Variants in BLTP1 observed in about 807,000 individuals in gnomAD.
BLTP1 encodes the protein bridge-like lipid transfer protein family member 1, also known as fragile site-associated protein.
At chr4:122,251,581 A>G in the BLTP1 span, 142 of 985,048 alleles carry the variant, frequency 1.4e-4, no homozygotes, top group Non-Finnish European at 1.7e-4. Context: ...TCACTGGACA[A>G]AAGAGCTGAG....
chr4:122,339,994 A>G, the BLTP1 span, among the ~76,000 whole-genome samples: 1 of 152,160 alleles, frequency 6.6e-6, no homozygotes, highest in African/African-American at 2.4e-5. Flanking sequence ...CTTCTGTCCT[A>G]AAAATGAAAT....
the BLTP1 span, chr4:122,310,971 T>C: frequency 2.5e-6 from 2 of 788,590 alleles, no homozygotes; most frequent in Non-Finnish European, 3.1e-6. Flanking sequence ...ACAATAGTTA[T>C]ACATGGCTTT....
the BLTP1 span, chr4:122,198,474 T>A: frequency 1.0e-6 from 1 of 975,040 alleles, no homozygotes. Flanking sequence ...TGCTTCTGCC[T>A]TTTCACAACT....
At chr4:122,272,632 C>T in the BLTP1 span, among the ~76,000 whole-genome samples, 7 of 151,842 alleles carry the variant, frequency 4.6e-5, no homozygotes, top group East Asian at 1.9e-4. Context: ...AATATTGAGT[C>T]GATGTACCTA....
At chr4:122,305,929 G>T in the BLTP1 span, 14 of 1,609,934 alleles carry the variant, frequency 8.7e-6, no homozygotes, top group Non-Finnish European at 1.1e-5. Context: ...TTTAAAACCA[G>T]AATTGGATTA....
the BLTP1 span, chr4:122,344,260 C>A: frequency 8.9e-7 from 1 of 1,122,206 alleles, no homozygotes; most frequent in Non-Finnish European, 1.2e-6. Context: ...TAAATTTTTA[C>A]CTCAAGTGAT....
At chr4:122,291,433 A>C in the BLTP1 span, among the ~76,000 whole-genome samples, 3 of 152,190 alleles carry the variant, frequency 2.0e-5, no homozygotes, top group African/African-American at 7.2e-5. Context: ...TCCCTCTCCC[A>C]TAATCTTCAG....
the BLTP1 span, chr4:122,267,580 T>A: frequency 2.1e-6 from 2 of 931,614 alleles, no homozygotes; most frequent in Non-Finnish European, 2.6e-6. Context: ...ATTTTTATGA[T>A]CTTAAGGGTT....
chr4:122,352,897 C>T, the BLTP1 span: 7 of 1,610,842 alleles, frequency 4.3e-6, no homozygotes, highest in Admixed American at 3.4e-5. Context: ...TTTTGGTTTT[C>T]TTGCAGTACT....
the BLTP1 span, chr4:122,298,152 CTTA>C: frequency 2.7e-6 from 2 of 729,608 alleles, no homozygotes; most frequent in African/African-American, 1.9e-5. Context: ...TGTTTTGATT[CTTA>C]TTACTTAGAT....
the BLTP1 span, chr4:122,171,783 C>T: frequency 2.0e-6 from 2 of 981,106 alleles, no homozygotes; most frequent in East Asian, 1.1e-4. Context: ...CTGTTATAAA[C>T]ACCTCCTTTC....
chr4:122,156,251 G>A, the BLTP1 span, among the ~76,000 whole-genome samples: 333 of 152,268 alleles, frequency 2.2e-3, 3 homozygotes, highest in Non-Finnish European at 3.9e-3. Flanking sequence ...ACAATTTAAA[G>A]ATGATAGTTA....
the BLTP1 span, among the ~76,000 whole-genome samples, chr4:122,296,432 G>A: frequency 6.6e-6 from 1 of 152,100 alleles, no homozygotes; most frequent in Non-Finnish European, 1.5e-5. Context: ...ACAAACAAAT[G>A]GAAAAACATT....
the BLTP1 span, among the ~76,000 whole-genome samples, chr4:122,327,111 G>GTTTTA: frequency 7.9e-5 from 12 of 151,402 alleles, 1 homozygote; most frequent in South Asian, 2.5e-3. Context: ...GTTTTGTTTT[G>GTTTTA]TTTTGTTTTG....
At chr4:122,226,287 A>C in the BLTP1 span, 2 of 548,382 alleles carry the variant, frequency 3.6e-6, no homozygotes, top group Non-Finnish European at 4.6e-6. Flanking sequence ...ACCTGGTTTT[A>C]AAAAAACTGT....
the BLTP1 span, chr4:122,324,631 A>C: frequency 2.1e-6 from 2 of 955,082 alleles, no homozygotes; most frequent in Non-Finnish European, 3.0e-6. Context: ...TAAAATTAAG[A>C]TAACAAAAAT....
chr4:122,171,276 A>G, the BLTP1 span, among the ~76,000 whole-genome samples: 1 of 152,150 alleles, frequency 6.6e-6, no homozygotes, highest in South Asian at 2.1e-4. Context: ...GGGAGAAAGG[A>G]AATATGAGTG....
the BLTP1 span, among the ~76,000 whole-genome samples, chr4:122,356,339 T>A: frequency 6.6e-6 from 1 of 152,158 alleles, no homozygotes; most frequent in South Asian, 2.1e-4. Context: ...ATTGGAGGAT[T>A]TCAGATTTTT....
At chr4:122,273,546 C>G in the BLTP1 span, 2 of 491,944 alleles carry the variant, frequency 4.1e-6, no homozygotes, top group Non-Finnish European at 5.3e-6. Context: ...AATGACCATA[C>G]TCATTTATGG....
Sources: allele counts gnomAD v4.1 joint callset (sites outside exome capture counted in the v4.1 genomes callset), GRCh38; gene constraint gnomAD v4.1.1; transcripts MANE v1.5; gene names NCBI Gene and HGNC (gene_info 2026-07-23, HGNC 2026-07-21).